Variants in CFAP100 observed in about 807,000 individuals in gnomAD.
CFAP100 encodes cilia and flagella associated protein 100, also known as cilia- and flagella-associated protein 100.
CFAP100 carries 70 observed loss-of-function variants against 81.5 expected under a neutral mutation model. That is an observed-to-expected ratio of 0.86 (90% CI 0.71 to 1.05). The LOEUF (loss-of-function observed/expected upper bound fraction) is 1.05, where lower values mean the gene tolerates loss of function less well. CFAP100 is among the 50% of genes least tolerant of loss of function. The pLI is 0.00. For synonymous variants in CFAP100, 341 were observed against 314.8 expected, an observed-to-expected ratio of 1.08 and a Z score of -0.88; for missense variants, 811 against 776.5, an observed-to-expected ratio of 1.04 and a Z score of -0.53.
intron 2 of CFAP100, among the ~76,000 whole-genome samples, chr3:126,401,730 T>C (rs967696705): frequency 2.6e-5 from 4 of 151,876 alleles, no homozygotes; most frequent in Non-Finnish European, 5.9e-5. Context: ...TGTGCCCAGC[T>C]GCAGGGGAGG....
At position 126,436,500 on chromosome 3, in the gene CFAP100, C is replaced by T. The variant is rs993906922; in HGVS notation, c.*96C>T. 266 of 816,818 alleles carry T rather than the reference C, an allele frequency of 3.3e-4. No homozygotes were observed. The highest frequency in any genetic ancestry group is 1.2e-3 in the Middle Eastern group (4 of 3,218). The allele number at this position is 816,818 out of a possible 1,614,324, so 50.6% of individuals were successfully genotyped here. On this transcript the variant is annotated 3_prime_UTR_variant, in exon 17 of 17. Coordinates refer to ENST00000352312, the MANE Select transcript of CFAP100 (RefSeq NM_182628.3). ...TGGGTCTCGAGTGGCCCAACTGAGT[C>T]CTCTCTGTCTCCTGTGTGCTCCCTT...
chr3:126,407,200 CTCT>C lies in CFAP100; in HGVS notation c.84_86del (p.Ser30del), dbSNP rs2083077870. On this transcript the variant is annotated inframe_deletion, in exon 3 of 17. Coordinates refer to ENST00000352312, the MANE Select transcript of CFAP100 (RefSeq NM_182628.3). Reference sequence around the variant, plus strand: ...ACAGCCTGGAATCCATGAACATCAGCTCTTCTTCAAGCACTGAAGAGAACCCAA... The same window carrying C: ...ACAGCCTGGAATCCATGAACATCAGCTCTTCAAGCACTGAAGAGAACCCAA... 1.2e-6 allele frequency: 2 copies of C among 1,613,630 alleles called. No homozygotes were observed. The highest frequency in any genetic ancestry group is 1.3e-5 in the African/African-American group (1 of 74,896).
At position 126,434,386 on chromosome 3, in the gene CFAP100, G is replaced by C; in HGVS notation, c.1628+5G>C. On this transcript the variant is annotated splice_donor_5th_base_variant and intron_variant, in intron 15 of 16. Transcript: ENST00000352312. ...GGAGAAGGAGCGGCGCATCAGGTGA[G>C]CTCTAGGCTCTCCCTGCCAGCTGCT... 1 of 1,608,630 alleles carries C rather than the reference G, an allele frequency of 6.2e-7. No individual in the cohort carries two copies. The highest frequency in any genetic ancestry group is 8.5e-7 in the Non-Finnish European group (1 of 1,176,680).
At chr3:126,408,933 TGCGCAC>T (rs1235523341) in intron 3 of CFAP100, among the ~76,000 whole-genome samples, 8 of 152,074 alleles carry the variant, frequency 5.3e-5, no homozygotes, top group African/African-American at 1.9e-4. Flanking sequence ...GGACAACAGG[TGCGCAC>T]CAACACACCT....
At chr3:126,417,147 C>T (rs1235693249) in intron 5 of CFAP100, among the ~76,000 whole-genome samples, 1 of 152,148 alleles carries the variant, frequency 6.6e-6, no homozygotes, top group Non-Finnish European at 1.5e-5. Flanking sequence ...TCCTGGCTTC[C>T]GTGGCAGCAG....
chr3:126,414,217 T>C, intron 4 of CFAP100, 38 bp downstream of exon 4: 4 of 1,443,916 alleles, frequency 2.8e-6, no homozygotes, highest in Non-Finnish European at 3.9e-6. Flanking sequence ...CTCCGGGAGC[T>C]TCCCTGCTCC....
rs980798381 is a variant in CFAP100 at position 126,432,960 on chromosome 3, C to T, written c.1287-109C>T. 3.1e-6 allele frequency: 4 copies of T among 1,309,638 alleles called. No individual in the cohort carries two copies. The African/African-American group carries it at 4.4e-5, about 14-fold the overall frequency. 81.1% of individuals were successfully genotyped at this position (1,309,638 alleles called of 1,614,324 possible). A position where few individuals can be genotyped will look rare whatever the true frequency, so the allele number is the denominator to read the frequency against. On this transcript the variant is annotated intron_variant, in intron 13 of 16. Coordinates refer to ENST00000352312, the MANE Select transcript of CFAP100 (RefSeq NM_182628.3). The stretch of plus-strand genomic sequence containing the variant: ...GACTTGGCACCCATGATCCTTCAGC[C>T]CTCAGGACAGCTGGTAGGGGCAAAG...
chr3:126,396,046 G>A lies in CFAP100; in HGVS notation c.46G>A (p.Asp16Asn), dbSNP rs2082882649. ...STIVSKNMTN[D>N]KNSLESMNIS... is the part of the protein sequence containing the mutation. Reference sequence around the variant, plus strand: ...TATAGTCTCCAAGAACATGACCAATGACAGTAAGTACCGGGCCAGGGTGGG... The same window carrying A: ...TATAGTCTCCAAGAACATGACCAATAACAGTAAGTACCGGGCCAGGGTGGG... Residue 16 changes from aspartate to asparagine, a missense_variant, in exon 2 of 17, where the codon GAC (aspartate) becomes AAC (asparagine). Coordinates refer to ENST00000352312, the MANE Select transcript of CFAP100 (RefSeq NM_182628.3). 6.2e-7 allele frequency: 1 copy of A among 1,613,754 alleles called. No individual in the cohort carries two copies. Among genetic ancestry groups the A allele is most frequent in the South Asian group, 1.1e-5 (1 of 91,070 alleles).
In CFAP100 at chr3:126,419,525, C is replaced by G. The variant is rs140728817; in HGVS notation, c.732-112C>G. ...TTCCTGCACCTTTTCTCAAGGAAAA[C>G]AAGGAGCCCACACAGACTTGGCCAG... On this transcript the variant is annotated intron_variant, in intron 8 of 16. Coordinates refer to ENST00000352312, the MANE Select transcript of CFAP100 (RefSeq NM_182628.3). 1.2e-3 allele frequency: 1,157 copies of G among 952,738 alleles called. 12 individuals are homozygous for G. The African/African-American group carries it at 0.017, about 14-fold the overall frequency. 59.0% of individuals were successfully genotyped at this position (952,738 alleles called of 1,614,324 possible). A position where few individuals can be genotyped will look rare whatever the true frequency, so the allele number is the denominator to read the frequency against.
intron 13 of CFAP100, among the ~76,000 whole-genome samples, chr3:126,428,131 AATC>A (rs960930455): frequency 6.6e-6 from 1 of 152,208 alleles, no homozygotes; most frequent in Non-Finnish European, 1.5e-5. Context: ...AAACAATATT[AATC>A]ATTAAACTGT....
chr3:126,432,282 CAAAAAAAAAAA>C (rs58421889), intron 13 of CFAP100, among the ~76,000 whole-genome samples: 9 of 76,742 alleles, frequency 1.2e-4, no homozygotes, highest in African/African-American at 5.4e-4. Flanking sequence ...GACTCCGTCT[CAAAAAAAAAAA>C]AAAAAAAAAA....
Position 126,433,099 on chromosome 3 carries a change from G to A in CFAP100, c.1317G>A (p.Trp439Ter). The A allele has an allele frequency of 1.9e-6, 3 of 1,614,150 alleles. No homozygotes were observed. Among genetic ancestry groups the A allele is most frequent in the Non-Finnish European group, 2.5e-6 (3 of 1,180,024 alleles). Reference sequence around the variant, plus strand: ...GGGAGGTCAACCAGCTGAAGCAGTGGGTCACCACAATGATGATGTCCATCA... The same window carrying A: ...GGGAGGTCAACCAGCTGAAGCAGTGAGTCACCACAATGATGATGTCCATCA... The part of the protein sequence containing the change: ...MDREVNQLKQ[W>*]VTTMMMSITK... The change falls in exon 14 of 17, where the codon TGG (tryptophan) becomes TGA (stop). Residue 439 changes from tryptophan to a stop codon, truncating the protein, a stop_gained. Transcript: ENST00000352312. LOFTEE classifies it high-confidence loss of function.
chr3:126,436,359 A>G lies in CFAP100; in HGVS notation c.1791A>G (p.Thr597=), dbSNP rs776684080. Residue 597 remains threonine, a synonymous_variant, in exon 17 of 17, where the codon ACA becomes ACG. Transcript: ENST00000352312. ...GGATCAAACAACAGTCTGAGCACAC[A>G]CTGATGGACAAGGAGGAGGAGGAGC... ...AHRIKQQSEH[T]LMDKEEEELL... is the part of the protein sequence containing the mutation. The G allele has an allele frequency of 1.5e-4, 250 of 1,614,026 alleles. 1 individual carries two copies. The highest frequency in any genetic ancestry group is 2.1e-4 in the Non-Finnish European group (244 of 1,180,022).
Position 126,418,637 on chromosome 3 carries a change from G to C in CFAP100, c.513G>C (p.Glu171Asp). 6.3e-7 allele frequency: 1 copy of C among 1,597,376 alleles called. No individual in the cohort carries two copies. The highest frequency in any genetic ancestry group is 8.5e-7 in the Non-Finnish European group (1 of 1,172,548). ...ATGCCCTGGATGTCAAGCGGAGAGA[G>C]ATCCAGCGGCTGGAGACGCTGGCGA... ...LQYALDVKRR[E>D]IQRLETLATK... Residue 171 changes from glutamate to aspartate, a missense_variant, in exon 7 of 17, where the codon GAG becomes GAC. Coordinates refer to ENST00000352312, the MANE Select transcript of CFAP100 (RefSeq NM_182628.3).
At chr3:126,418,113 A>C in intron 5 of CFAP100, 1 of 264,512 alleles carries the variant, frequency 3.8e-6, no homozygotes, top group Admixed American at 5.2e-5. Context: ...GGTCCTGGCT[A>C]GAAGGCCTGT....
chr3:126,433,383 C>T, intron 14 of CFAP100, 179 bp downstream of exon 14: 1 of 674,676 alleles, frequency 1.5e-6, no homozygotes, highest in South Asian at 2.0e-5. Flanking sequence ...CTGTGCCAGC[C>T]AGCTTGGTTG....
intron 2 of CFAP100, among the ~76,000 whole-genome samples, chr3:126,401,440 T>G (rs1229213631): frequency 8.0e-6 from 1 of 124,374 alleles, no homozygotes; most frequent in Non-Finnish European, 1.7e-5. Context: ...TATATATATA[T>G]ATAGTATTAT....
chr3:126,423,236 C>A, intron 11 of CFAP100, 89 bp from the exon 12 acceptor site: 1 of 1,087,142 alleles, frequency 9.2e-7, no homozygotes, highest in Non-Finnish European at 1.3e-6. Context: ...GGGGATGCTG[C>A]CAACGCCTTC....
intron 13 of CFAP100, among the ~76,000 whole-genome samples, chr3:126,428,771 G>A (rs1933061778): frequency 6.6e-6 from 1 of 152,234 alleles, no homozygotes; most frequent in Admixed American, 6.5e-5. Flanking sequence ...CATAGAATGA[G>A]CTTGGAAATG....
Sources: gnomAD v4.1 joint callset for allele counts (sites outside exome capture counted in the v4.1 genomes callset) on GRCh38, gnomAD v4.1.1 for gene constraint, MANE v1.5 for transcripts, NCBI Gene and HGNC (gene_info 2026-07-23, HGNC 2026-07-21) for gene names.